Variants in PRELID2 observed in about 807,000 individuals in gnomAD.
PRELID2 encodes PRELI domain-containing protein 2.
PRELID2 carries 25 observed loss-of-function variants against 28.4 expected under a neutral mutation model. That is an observed-to-expected ratio of 0.88 (90% CI 0.64 to 1.23). The LOEUF (loss-of-function observed/expected upper bound fraction) is 1.23, where lower values mean the gene tolerates loss of function less well. PRELID2 is among the 50% of genes most tolerant of loss of function. The pLI is 0.00. For missense variants in PRELID2, 201 were observed against 214.4 expected, an observed-to-expected ratio of 0.94 and a Z score of 0.39; for synonymous variants, 76 against 71.6, an observed-to-expected ratio of 1.06 and a Z score of -0.31.
intron 5 of PRELID2, among the ~76,000 whole-genome samples, chr5:145,767,605 C>T (rs750112265): frequency 2.0e-5 from 3 of 152,170 alleles, no homozygotes; most frequent in Non-Finnish European, 4.4e-5. Context: ...TAGGCCCGCA[C>T]AGAGTTCTGC....
At chr5:145,442,544 G>A in the PRELID2 span, among the ~76,000 whole-genome samples, 2,317 of 152,114 alleles carry the variant, frequency 0.015, 36 homozygotes, top group African/African-American at 0.039. Context: ...CCGCCTTTTG[G>A]TCTCGCAGTG....
chr5:145,776,911 A>G (rs1581180359), intron 5 of PRELID2, among the ~76,000 whole-genome samples: 1 of 152,232 alleles, frequency 6.6e-6, no homozygotes, highest in Non-Finnish European at 1.5e-5. Flanking sequence ...AATGTTAAAC[A>G]GTTTAATAAA....
intron 1 of PRELID2, among the ~76,000 whole-genome samples, chr5:145,694,632 T>C (rs76740272): frequency 0.026 from 3,918 of 152,224 alleles, 183 homozygotes; most frequent in African/African-American, 0.088. Flanking sequence ...TTTTGTTTTG[T>C]TTTTTAATAA....
At chr5:145,770,132 T>C (rs1758013160) in intron 5 of PRELID2, among the ~76,000 whole-genome samples, 1 of 152,230 alleles carries the variant, frequency 6.6e-6, no homozygotes, top group African/African-American at 2.4e-5. Flanking sequence ...CATATAATTA[T>C]AACATCATAA....
At chr5:145,372,580 G>T in the PRELID2 span, among the ~76,000 whole-genome samples, 3 of 151,902 alleles carry the variant, frequency 2.0e-5, no homozygotes, top group African/African-American at 4.8e-5. Flanking sequence ...TTGGTGAATT[G>T]TTCCCTTTAC....
chr5:145,721,347 G>A (rs1755984740), intron 1 of PRELID2, among the ~76,000 whole-genome samples: 1 of 152,128 alleles, frequency 6.6e-6, no homozygotes, highest in Non-Finnish European at 1.5e-5. Flanking sequence ...CTATTGTATA[G>A]ATCAAGGGGA....
the PRELID2 span, among the ~76,000 whole-genome samples, chr5:145,402,021 TGTTTA>T: frequency 6.6e-6 from 1 of 152,218 alleles, no homozygotes; most frequent in Non-Finnish European, 1.5e-5. Context: ...TCATATTATT[TGTTTA>T]GTTATCTGCT....
chr5:145,699,573 A>G (rs1244500279), intron 1 of PRELID2, among the ~76,000 whole-genome samples: 1 of 152,126 alleles, frequency 6.6e-6, no homozygotes, highest in Non-Finnish European at 1.5e-5. Context: ...ACATTGATGA[A>G]ATAGGAAAAC....
At chr5:145,365,782 A>G in the PRELID2 span, among the ~76,000 whole-genome samples, 1 of 151,946 alleles carries the variant, frequency 6.6e-6, no homozygotes, top group Non-Finnish European at 1.5e-5. Flanking sequence ...CTGTAGGACA[A>G]GATGATCTTT....
chr5:145,373,041 T>TATATATTACAACATATATAATATATATG, the PRELID2 span, among the ~76,000 whole-genome samples: 259 of 92,392 alleles, frequency 2.8e-3, 79 homozygotes, highest in East Asian at 6.8e-3. Flanking sequence ...TATAATATGA[T>TATATATTACAACATATATAATATATATG]ATATATTACA....
At chr5:145,502,158 G>T (rs1752365323) in intron 1 of PRELID2, among the ~76,000 whole-genome samples, 2 of 152,062 alleles carry the variant, frequency 1.3e-5, no homozygotes, top group Admixed American at 1.3e-4. Flanking sequence ...TCTGCATCTG[G>T]GGAGGCCTCA....
downstream of PRELID2, among the ~76,000 whole-genome samples, chr5:145,470,984 G>C (rs534901099): frequency 6.6e-6 from 1 of 151,994 alleles, no homozygotes; most frequent in African/African-American, 2.4e-5. Context: ...TCCTAACCCC[G>C]GAGGTATATT....
the PRELID2 span, among the ~76,000 whole-genome samples, chr5:145,296,903 A>C: frequency 4.6e-5 from 7 of 152,164 alleles, no homozygotes; most frequent in Non-Finnish European, 1.0e-4. Flanking sequence ...GTGAGGTGGT[A>C]TCTCATTGTG....
chr5:145,451,419 G>A, the PRELID2 span, among the ~76,000 whole-genome samples: 5 of 152,146 alleles, frequency 3.3e-5, no homozygotes, highest in Admixed American at 6.6e-5. Flanking sequence ...GAACACTAGC[G>A]TTTTAAGCAT....
chr5:145,320,309 C>T, the PRELID2 span, among the ~76,000 whole-genome samples: 2 of 150,994 alleles, frequency 1.3e-5, no homozygotes, highest in East Asian at 2.0e-4. Flanking sequence ...CTCGCTCTGT[C>T]GCCCAGGCTG....
chr5:145,718,329 A>T (rs1028856758), intron 1 of PRELID2, among the ~76,000 whole-genome samples: 3 of 151,990 alleles, frequency 2.0e-5, no homozygotes, highest in Non-Finnish European at 4.4e-5. Flanking sequence ...GCAACAAACT[A>T]TGAAATATCT....
chr5:145,335,336 T>C, the PRELID2 span, among the ~76,000 whole-genome samples: 2 of 152,004 alleles, frequency 1.3e-5, no homozygotes, highest in East Asian at 3.9e-4. Context: ...TATCTCTTTG[T>C]ATAACTTCTA....
the PRELID2 span, among the ~76,000 whole-genome samples, chr5:145,434,109 T>TC: frequency 1.3e-5 from 2 of 152,158 alleles, no homozygotes; most frequent in Non-Finnish European, 2.9e-5. Context: ...TCTTTCCAAG[T>TC]CCTCCTCTCC....
chr5:145,724,123 A>C (rs1478601988), intron 1 of PRELID2, among the ~76,000 whole-genome samples: 1 of 152,184 alleles, frequency 6.6e-6, no homozygotes, highest in Non-Finnish European at 1.5e-5. Flanking sequence ...ATGTCTATGT[A>C]AAAGTAGTTA....
Sources: gnomAD v4.1 joint callset for allele counts (sites outside exome capture counted in the v4.1 genomes callset) on GRCh38, gnomAD v4.1.1 for gene constraint, MANE v1.5 for transcripts, NCBI Gene and HGNC (gene_info 2026-07-23, HGNC 2026-07-21) for gene names.